Variants in HS6ST2 observed in about 807,000 individuals in gnomAD.
HS6ST2 encodes the protein heparan sulfate 6-O-sulfotransferase 2, also known as heparan-sulfate 6-O-sulfotransferase 2.
Under a neutral mutation model 33.0 loss-of-function variants are expected in HS6ST2, and 17 were observed. The observed-to-expected ratio is 0.52, with a 90% CI of 0.35 to 0.77. The LOEUF (loss-of-function observed/expected upper bound fraction) is 0.77, where lower values mean the gene tolerates loss of function less well. Among genes scored for constraint, HS6ST2 ranks in the 30% least tolerant of loss-of-function variants. The probability of loss-of-function intolerance (pLI) is 0.01; values close to 1 mark genes in which losing one functional copy is unlikely to be tolerated. For synonymous variants in HS6ST2, 248 were observed against 237.1 expected (o/e 1.05, Z -0.42); for missense variants, 519 against 551.7 (o/e 0.94, Z 0.59).
intron 2 of HS6ST2, among the ~76,000 whole-genome samples, chrX:132,852,093 T>C (rs933588744): frequency 2.4e-4 from 27 of 111,313 alleles, no homozygotes; most frequent in African/African-American, 8.2e-4. Context: ...AGTGAGCTGA[T>C]TGCACCACTG....
intron 2 of HS6ST2, among the ~76,000 whole-genome samples, chrX:132,862,255 CA>C (rs970596511): frequency 9.0e-6 from 1 of 111,704 alleles, no homozygotes; most frequent in Non-Finnish European, 1.9e-5. Flanking sequence ...ATTTTGGGAC[CA>C]GGGTAGTGCT....
rs866919041 is a variant in HS6ST2 at position 132,956,839 on chromosome X, C to G, written c.916G>C (p.Gly306Arg). ...GGTCTCAGCCTGGCGTCGCGCTTGC[C>G]GTCCACCACGGAGGGCACACAGCTG... ...LTSCVPSVVD[G>R]KRDARLRPSR... Residue 306 changes from glycine to arginine, a missense_variant, in exon 2 of 5, where the codon GGC (glycine) becomes CGC (arginine). Coordinates refer to ENST00000370833, the MANE Select transcript of HS6ST2 (RefSeq NM_001394073.1). 8.5e-7 allele frequency: 1 copy of G among 1,179,637 alleles called. No individual in the cohort carries two copies.
chrX:132,899,789 C>T (rs1218248936), intron 2 of HS6ST2, among the ~76,000 whole-genome samples: 1 of 111,351 alleles, frequency 9.0e-6, no homozygotes, highest in East Asian at 2.8e-4. Flanking sequence ...AAAACCACAC[C>T]ATAGCAAATC....
At chrX:132,750,360 A>G (rs1486476766) in intron 2 of HS6ST2, among the ~76,000 whole-genome samples, 5 of 109,540 alleles carry the variant, frequency 4.6e-5, no homozygotes, top group Non-Finnish European at 7.6e-5. Context: ...AAAAAAAAAA[A>G]AAAAAAAGAG....
chrX:132,751,830 A>G (rs1189163915), intron 2 of HS6ST2, among the ~76,000 whole-genome samples: 10 of 112,154 alleles, frequency 8.9e-5, no homozygotes, highest in African/African-American at 3.2e-4. Flanking sequence ...CTGGGTCTGT[A>G]CTCTAGTGGA....
chrX:132,870,049 A>G (rs955493447), intron 2 of HS6ST2, among the ~76,000 whole-genome samples: 1 of 111,212 alleles, frequency 9.0e-6, no homozygotes, highest in Non-Finnish European at 1.9e-5. Context: ...TCCTTAAGCT[A>G]ATAAACAACT....
intron 2 of HS6ST2, among the ~76,000 whole-genome samples, chrX:132,874,062 G>A (rs944724777): frequency 9.0e-6 from 1 of 111,167 alleles, no homozygotes; most frequent in Admixed American, 9.6e-5. Flanking sequence ...ACTGCCCTCC[G>A]CGAGGTCTAT....
intron 2 of HS6ST2, among the ~76,000 whole-genome samples, chrX:132,912,082 T>C (rs1315541381): frequency 8.9e-6 from 1 of 112,562 alleles, no homozygotes; most frequent in Non-Finnish European, 1.9e-5. Context: ...GCAAATCACT[T>C]GTCCTCTTGA....
At chrX:132,785,854 G>A (rs1039797620) in intron 2 of HS6ST2, among the ~76,000 whole-genome samples, 1 of 111,677 alleles carries the variant, frequency 9.0e-6, no homozygotes, top group African/African-American at 3.3e-5. Context: ...AGGGAGCACC[G>A]TCGAGTTCTG....
chrX:132,787,259 A>ATATATTTATAATATATTAT (rs1212318287), intron 2 of HS6ST2, among the ~76,000 whole-genome samples: 5 of 90,234 alleles, frequency 5.5e-5, no homozygotes, highest in Non-Finnish European at 8.4e-5. Context: ...ATATATATGT[A>ATATATTTATAATATATTAT]TATATTTATA....
intron 2 of HS6ST2, among the ~76,000 whole-genome samples, chrX:132,747,660 G>C (rs1013318902): frequency 2.7e-5 from 3 of 111,350 alleles, no homozygotes; most frequent in African/African-American, 9.8e-5. Context: ...GTACAAGGGG[G>C]AGGGAGGTTG....
chrX:132,940,524 G>A (rs909760501), intron 2 of HS6ST2, among the ~76,000 whole-genome samples: 7 of 111,209 alleles, frequency 6.3e-5, no homozygotes, highest in South Asian at 3.8e-4. Flanking sequence ...TTTGCAAAGC[G>A]TATATCTTAT....
At chrX:132,935,851 T>C (rs189095948) in intron 2 of HS6ST2, among the ~76,000 whole-genome samples, 1 of 110,060 alleles carries the variant, frequency 9.1e-6, no homozygotes, top group Admixed American at 9.8e-5. Context: ...GATGAAGCGA[T>C]TTGAAATATT....
chrX:132,769,057 T>C (rs895821839), intron 2 of HS6ST2, among the ~76,000 whole-genome samples: 3 of 112,208 alleles, frequency 2.7e-5, no homozygotes, highest in Middle Eastern at 4.2e-3. Flanking sequence ...GTTTCAAAGG[T>C]TGAATCAGTG....
At chrX:132,706,965 T>G (rs888582981) in intron 3 of HS6ST2, among the ~76,000 whole-genome samples, 3 of 112,202 alleles carry the variant, frequency 2.7e-5, no homozygotes, top group African/African-American at 9.7e-5. Context: ...AGGTATTAGT[T>G]GCTCTGGCAA....
intron 2 of HS6ST2, among the ~76,000 whole-genome samples, chrX:132,821,490 G>A (rs749744690): frequency 9.1e-6 from 1 of 110,035 alleles, no homozygotes; most frequent in South Asian, 4.0e-4. Flanking sequence ...GGGATTACAA[G>A]CGTGAGCCAC....
At chrX:132,916,402 C>T (rs959295524) in intron 2 of HS6ST2, among the ~76,000 whole-genome samples, 7 of 111,685 alleles carry the variant, frequency 6.3e-5, no homozygotes, top group African/African-American at 2.3e-4. Flanking sequence ...CATTATATTT[C>T]TTTAATTTGA....
intron 3 of HS6ST2, among the ~76,000 whole-genome samples, chrX:132,678,686 T>G (rs760453573): frequency 1.3e-4 from 15 of 112,646 alleles, no homozygotes; most frequent in African/African-American, 4.5e-4. Flanking sequence ...CTTTTAATTT[T>G]CCTTTCCAAG....
intron 2 of HS6ST2, among the ~76,000 whole-genome samples, chrX:132,931,626 C>T (rs749567841): frequency 8.9e-6 from 1 of 111,954 alleles, no homozygotes; most frequent in Admixed American, 9.5e-5. Context: ...GGCTCAGACA[C>T]TGTACACCAA....
Sources: gnomAD v4.1 joint callset for allele counts (sites outside exome capture counted in the v4.1 genomes callset) on GRCh38, gnomAD v4.1.1 for gene constraint, MANE v1.5 for transcripts, NCBI Gene and HGNC (gene_info 2026-07-23, HGNC 2026-07-21) for gene names.